The following CPAMD8 variants were observed in gnomAD, a reference collection of about 807,000 sequenced individuals.
CPAMD8 encodes C3 and PZP like alpha-2-macroglobulin domain containing 8, also known as C3 and PZP-like alpha-2-macroglobulin domain-containing protein 8.
Under a neutral mutation model 224.7 loss-of-function variants are expected in CPAMD8, and 146 were observed. The observed-to-expected ratio is 0.65, with a 90% CI of 0.57 to 0.75. The LOEUF (loss-of-function observed/expected upper bound fraction) is 0.75, where lower values mean the gene tolerates loss of function less well. Among genes scored for constraint, CPAMD8 ranks in the 30% least tolerant of loss-of-function variants. The probability of loss-of-function intolerance (pLI) is 0.00; values close to 1 mark genes in which losing one functional copy is unlikely to be tolerated. For missense variants in CPAMD8, 2,301 were observed against 2,537.5 expected, an observed-to-expected ratio of 0.91 and a Z score of 2.00; for synonymous variants, 966 against 1,044.6, an observed-to-expected ratio of 0.92 and a Z score of 1.45.
chr19:17,018,479 G>C (rs2056868092), intron 3 of CPAMD8, among the ~76,000 whole-genome samples: 1 of 152,060 alleles, frequency 6.6e-6, no homozygotes, highest in Admixed American at 6.6e-5. Context: ...GGTCCTGCTG[G>C]TAATTCTTCA....
At position 16,977,614 on chromosome 19, in the gene CPAMD8, G is replaced by A. The variant is rs146067457; in HGVS notation, c.1586-74C>T. The stretch of plus-strand genomic sequence containing the variant: ...ATGCAACCTCAGCCATTCAGGCTCT[G>A]CCCCAATTTGCCCTGCGCTATGCTC... On this transcript the variant is annotated intron_variant, in intron 14 of 41. Transcript: ENST00000443236. 2.2e-3 allele frequency: 2,582 copies of A among 1,149,810 alleles called. 9 individuals carry two copies. The highest frequency in any genetic ancestry group is 2.9e-3 in the Non-Finnish European group (2,386 of 824,428). The allele number at this position is 1,149,810 out of a possible 1,614,324, so 71.2% of individuals were successfully genotyped here.
At chr19:16,967,734 G>A (rs987242783) in intron 18 of CPAMD8, among the ~76,000 whole-genome samples, 10 of 151,428 alleles carry the variant, frequency 6.6e-5, no homozygotes, top group East Asian at 2.0e-4. Flanking sequence ...GCATGAAACC[G>A]GTAGGCAGAG....
At chr19:16,972,676 C>T (rs1038008885) in intron 17 of CPAMD8, among the ~76,000 whole-genome samples, 6 of 152,042 alleles carry the variant, frequency 3.9e-5, no homozygotes, top group East Asian at 1.9e-4. Flanking sequence ...CCTCGTGATC[C>T]GCCCGTCTCA....
At chr19:16,972,369 A>G (rs2055093292) in intron 17 of CPAMD8, among the ~76,000 whole-genome samples, 1 of 151,782 alleles carries the variant, frequency 6.6e-6, no homozygotes, top group South Asian at 2.1e-4. Flanking sequence ...CATTGTACTA[A>G]TTACTGGGAG....
chr19:17,019,466 T>C (rs1186017230), intron 3 of CPAMD8, among the ~76,000 whole-genome samples: 3 of 152,154 alleles, frequency 2.0e-5, no homozygotes, highest in African/African-American at 4.8e-5. Flanking sequence ...AGAAAATGTA[T>C]GTGCATGAAC....
chr19:16,939,665 G>A (rs1248904599), intron 22 of CPAMD8, among the ~76,000 whole-genome samples: 1 of 152,158 alleles, frequency 6.6e-6, no homozygotes, highest in African/African-American at 2.4e-5. Flanking sequence ...TCCAATGTGA[G>A]TGGGCACCAT....
At position 16,906,370 on chromosome 19, in the gene CPAMD8, CTTTCTTTCTTTCTTTCTTTCT is replaced by C. The variant is rs1568459316; in HGVS notation, c.4027+561_4027+581del. 3.4e-3 allele frequency among the ~76,000 whole-genome samples: 308 copies of C among 90,760 alleles called. 4 individuals are homozygous for C. In the Middle Eastern group the frequency reaches 0.038, roughly 11 times the overall value. The allele number at this position is 90,760 out of a possible 152,430, so 59.5% of individuals were successfully genotyped here. A position where few individuals can be genotyped will look rare whatever the true frequency, so the allele number is the denominator to read the frequency against. On this transcript the variant is annotated intron_variant, in intron 30 of 41. Transcript: ENST00000443236. ...TCTTTCTTTCTTTCTTTCTTTCTTT[CTTTCTTTCTTTCTTTCTTTCT>C]TTCTTTCTTTCTTTCTTTCCTTCCT...
At chr19:16,895,369 A>G (rs1162988974) in intron 41 of CPAMD8, 1 of 154,162 alleles carries the variant, frequency 6.5e-6, no homozygotes, top group Non-Finnish European at 1.4e-5. Context: ...GCCCAGATTA[A>G]AAAAAGAATA....
Position 16,928,050 on chromosome 19 carries a change from C to T in CPAMD8, c.3329G>A (p.Gly1110Asp), listed in dbSNP as rs969133875. 3.1e-6 allele frequency: 5 copies of T among 1,613,860 alleles called. No individual in the cohort carries two copies. The highest frequency in any genetic ancestry group is 1.3e-5 in the African/African-American group (1 of 75,054). Residue 1110 changes from glycine to aspartate, a missense_variant, in exon 25 of 42, where the codon GGC becomes GAC. Physicochemically the swap from Gly to Asp is moderately conservative, Grantham distance 94. This residue lies in a region of CPAMD8 where 1,709 missense variants were observed against 1,753.2 expected (regional missense o/e 0.97). Coordinates refer to ENST00000443236, the MANE Select transcript of CPAMD8 (RefSeq NM_015692.5). ...GGCTCGCTCAGACCCAGGGATGGCG[C>T]CGTGTGGGACCCCCAGGGTGAAGGC... is the stretch of plus-strand genomic sequence containing the variant. Reference protein sequence around the residue: ...SEAFTLGVPHGAIPGSERATA... With the variant: ...SEAFTLGVPHDAIPGSERATA...
At chr19:16,954,825 T>C (rs542240069) in intron 19 of CPAMD8, among the ~76,000 whole-genome samples, 1 of 146,386 alleles carries the variant, frequency 6.8e-6, no homozygotes, top group South Asian at 2.1e-4. Context: ...TCTACTAAAA[T>C]ACAAAAAATT....
chr19:16,979,333 G>T (rs55784516), intron 14 of CPAMD8, among the ~76,000 whole-genome samples: 2 of 141,672 alleles, frequency 1.4e-5, no homozygotes, highest in Non-Finnish European at 3.1e-5. Context: ...TATTCATCCA[G>T]CCATCCATCT....
chr19:16,955,433 T>C lies in CPAMD8; in HGVS notation c.2276+2420A>G, dbSNP rs2054439281. On this transcript the variant is annotated intron_variant, in intron 19 of 41. Coordinates refer to ENST00000443236, the MANE Select transcript of CPAMD8 (RefSeq NM_015692.5). ...CACTTACAGGCGGTCCCTAGAATAG[T>C]CAAACTCAGAGACAGAAAGGGTTGT... Among the ~76,000 whole-genome samples the C allele has an allele frequency of 2.6e-5, 4 of 151,956 alleles. No individual in the cohort carries two copies. The South Asian group carries it at 8.3e-4, about 32-fold the overall frequency.
intron 15 of CPAMD8, among the ~76,000 whole-genome samples, chr19:16,976,613 A>C (rs1386805175): frequency 1.3e-5 from 2 of 151,964 alleles, no homozygotes; most frequent in African/African-American, 4.8e-5. Flanking sequence ...TGGCCTCGCT[A>C]CCTGGGTGAA....
chr19:16,988,070 A>G (rs2055809115), intron 13 of CPAMD8, among the ~76,000 whole-genome samples: 1 of 152,182 alleles, frequency 6.6e-6, no homozygotes, highest in African/African-American at 2.4e-5. Flanking sequence ...ATGTAATCAG[A>G]ATTGCAAAAT....
In CPAMD8 at chr19:17,011,603, G is replaced by A; in HGVS notation, c.422C>T (p.Pro141Leu). ...TGCTGGCCACTCACCTCGGTGCTGG[G>A]GTCTGTACACAGGCTTGTCCGTCTG... ...FIQTDKPVYR[P>L]QHRVLISIFT... Residue 141 changes from proline to leucine, a missense_variant, in exon 4 of 42, where the codon CCC (proline) becomes CTC (leucine). By Grantham distance (98) the Pro-to-Leu change is moderately conservative. This residue lies in a region of CPAMD8 where 283 missense variants were observed against 340.6 expected (regional missense o/e 0.83). Transcript: ENST00000443236. 1 of 1,614,182 alleles carries A rather than the reference G, an allele frequency of 6.2e-7. No homozygotes were observed. Among genetic ancestry groups the A allele is most frequent in the South Asian group, 1.1e-5 (1 of 91,080 alleles).
At chr19:16,900,926 T>G (rs1478465957) in intron 36 of CPAMD8, among the ~76,000 whole-genome samples, 2 of 151,684 alleles carry the variant, frequency 1.3e-5, no homozygotes, top group African/African-American at 4.8e-5. Context: ...GTGGGAGGAT[T>G]ACTTGAGCCT....
At chr19:16,946,671 T>C (rs1471178407) in intron 21 of CPAMD8, among the ~76,000 whole-genome samples, 1 of 147,998 alleles carries the variant, frequency 6.8e-6, no homozygotes, top group Non-Finnish European at 1.5e-5. Flanking sequence ...TGTGTGTGTG[T>C]ATATGCATGT....
chr19:16,920,044 G>C (rs1384011058), intron 27 of CPAMD8, among the ~76,000 whole-genome samples: 6 of 152,144 alleles, frequency 3.9e-5, no homozygotes, highest in Non-Finnish European at 8.8e-5. Flanking sequence ...CTTCGGGGTG[G>C]GTGCTGCTGC....
intron 35 of CPAMD8, 89 bp from the exon 36 acceptor site, chr19:16,901,386 C>G (rs1460692680): frequency 1.1e-6 from 1 of 900,430 alleles, no homozygotes. Flanking sequence ...GCCCACACAG[C>G]TGATGTCCCA....
Sources: allele counts gnomAD v4.1 joint callset (sites outside exome capture counted in the v4.1 genomes callset), GRCh38; gene constraint gnomAD v4.1.1; regional missense constraint gnomAD v4.1.1; transcripts MANE v1.5; gene names NCBI Gene and HGNC (gene_info 2026-07-23, HGNC 2026-07-21).